ZNF609: variants seen among roughly 807,000 people sequenced by gnomAD.
ZNF609 encodes the protein zinc finger protein 609.
A neutral mutation model predicts 109.5 loss-of-function variants in ZNF609; 11 were observed. The observed-to-expected ratio is 0.10, with a 90% CI of 0.06 to 0.17. ZNF609 has a LOEUF of 0.17. Among genes scored for constraint, ZNF609 ranks in the 10% least tolerant of loss-of-function variants. The pLI is 1.00. For synonymous variants in ZNF609, 646 were observed against 662.0 expected (o/e 0.98, Z 0.37); for missense variants, 1,559 against 1,772.4 (o/e 0.88, Z 2.16).
chr15:64,472,581 T>C (rs1395042080), intron 1 of ZNF609, among the ~76,000 whole-genome samples: 2 of 152,174 alleles, frequency 1.3e-5, no homozygotes, highest in East Asian at 3.9e-4. Context: ...TTCATGAATA[T>C]AAGACGGGTG....
At chr15:64,495,816 T>G (rs919946253) in intron 1 of ZNF609, among the ~76,000 whole-genome samples, 3 of 151,092 alleles carry the variant, frequency 2.0e-5, no homozygotes, top group African/African-American at 7.3e-5. Flanking sequence ...CATTTTAACC[T>G]GTTATCTTTT....
chr15:64,673,637 A>T (rs1227034192), intron 4 of ZNF609, among the ~76,000 whole-genome samples: 1 of 152,210 alleles, frequency 6.6e-6, no homozygotes, highest in African/African-American at 2.4e-5. Context: ...ATCTTTTCTG[A>T]AACCATGACT....
At chr15:64,506,933 A>G (rs966634259) in intron 2 of ZNF609, among the ~76,000 whole-genome samples, 7 of 152,226 alleles carry the variant, frequency 4.6e-5, no homozygotes, top group African/African-American at 1.7e-4. Context: ...TATACATGTT[A>G]GCTAAGACTT....
intron 2 of ZNF609, among the ~76,000 whole-genome samples, chr15:64,619,984 C>T (rs1228992765): frequency 1.3e-5 from 2 of 152,168 alleles, no homozygotes; most frequent in African/African-American, 2.4e-5. Flanking sequence ...TAAACTACTT[C>T]CAGAAAAGAG....
intron 2 of ZNF609, among the ~76,000 whole-genome samples, chr15:64,580,190 A>G (rs1895074971): frequency 6.6e-6 from 1 of 152,214 alleles, no homozygotes; most frequent in African/African-American, 2.4e-5. Context: ...GAATTTAGAC[A>G]GCCTCCTAAA....
At chr15:64,555,610 G>A (rs1894568447) in intron 2 of ZNF609, among the ~76,000 whole-genome samples, 1 of 151,652 alleles carries the variant, frequency 6.6e-6, no homozygotes, top group African/African-American at 2.4e-5. Flanking sequence ...ATAGCCAGAT[G>A]CAGTGCTTTA....
At chr15:64,626,889 A>C (rs1381375315) in intron 3 of ZNF609, among the ~76,000 whole-genome samples, 1 of 152,114 alleles carries the variant, frequency 6.6e-6, no homozygotes, top group Non-Finnish European at 1.5e-5. Context: ...TTTGTTTTTG[A>C]GACATTCTCA....
chr15:64,499,071 G>A (rs1893521236), intron 1 of ZNF609, among the ~76,000 whole-genome samples: 1 of 152,094 alleles, frequency 6.6e-6, no homozygotes, highest in Non-Finnish European at 1.5e-5. Flanking sequence ...GGAATCTCTG[G>A]GCAATTGGAA....
intron 2 of ZNF609, among the ~76,000 whole-genome samples, chr15:64,558,782 A>G (rs1348080938): frequency 6.6e-6 from 1 of 152,252 alleles, no homozygotes; most frequent in East Asian, 1.9e-4. Flanking sequence ...AAAATAGACT[A>G]AAGTATGAGG....
intron 2 of ZNF609, among the ~76,000 whole-genome samples, chr15:64,613,182 A>G (rs1430120395): frequency 6.6e-6 from 1 of 151,912 alleles, no homozygotes; most frequent in African/African-American, 2.4e-5. Flanking sequence ...TTAACCAGTC[A>G]TGGTGGCGTG....
intron 2 of ZNF609, among the ~76,000 whole-genome samples, chr15:64,561,029 C>T (rs985106964): frequency 1.3e-5 from 2 of 152,152 alleles, no homozygotes; most frequent in Non-Finnish European, 2.9e-5. Flanking sequence ...CTGCAACTGC[C>T]TACTTAAACT....
At chr15:64,670,491 C>T (rs1327774652) in intron 4 of ZNF609, 58 bp downstream of exon 4, 1 of 1,422,934 alleles carries the variant, frequency 7.0e-7, no homozygotes, top group East Asian at 2.3e-5. Context: ...TTGGTGATCC[C>T]TTATACTTTT....
At chr15:64,488,175 A>G (rs1441108422) in intron 1 of ZNF609, among the ~76,000 whole-genome samples, 2 of 152,130 alleles carry the variant, frequency 1.3e-5, no homozygotes, top group Non-Finnish European at 2.9e-5. Flanking sequence ...TTCTTAATGA[A>G]TCTGAATTCT....
At chr15:64,519,024 T>A (rs558256962) in intron 2 of ZNF609, among the ~76,000 whole-genome samples, 53 of 150,032 alleles carry the variant, frequency 3.5e-4, no homozygotes, top group African/African-American at 1.3e-3. Flanking sequence ...CATATGCACA[T>A]CTATCATTTT....
intron 2 of ZNF609, among the ~76,000 whole-genome samples, chr15:64,577,183 G>A (rs1439450190): frequency 2.4e-5 from 3 of 123,836 alleles, no homozygotes; most frequent in African/African-American, 6.4e-5. Context: ...ATACATATAT[G>A]TGTATATATA....
chr15:64,673,188 A>C lies in ZNF609; in HGVS notation c.1062-728A>C, dbSNP rs79477919. ...TGGGAACCCAAAGGAGATATTTGAC[A>C]AAATTTGCCTCTTTTCTGCAATAGC... On this transcript the variant is annotated intron_variant, in intron 4 of 9. Coordinates refer to ENST00000326648, the MANE Select transcript of ZNF609 (RefSeq NM_015042.2). Among the ~76,000 whole-genome samples, 904 of 152,340 alleles carry C rather than the reference A, an allele frequency of 5.9e-3. 12 individuals are homozygous for C. The highest frequency in any genetic ancestry group is 0.021 in the African/African-American group (868 of 41,576).
At chr15:64,527,372 T>TA (rs769136415) in intron 2 of ZNF609, among the ~76,000 whole-genome samples, 40 of 151,530 alleles carry the variant, frequency 2.6e-4, no homozygotes, top group Non-Finnish European at 5.3e-4. Flanking sequence ...GGGGACATGT[T>TA]ACGGCCCTGC....
At chr15:64,601,547 T>C (rs1481599449) in intron 2 of ZNF609, among the ~76,000 whole-genome samples, 6 of 152,226 alleles carry the variant, frequency 3.9e-5, no homozygotes, top group African/African-American at 1.4e-4. Context: ...AAGATGAATG[T>C]GCTTAAGCAG....
chr15:64,669,645 C>A (rs1294772759), intron 3 of ZNF609, among the ~76,000 whole-genome samples: 1 of 151,934 alleles, frequency 6.6e-6, no homozygotes, highest in Non-Finnish European at 1.5e-5. Flanking sequence ...GGCTACATTA[C>A]CTAGTCAAAA....
Sources: allele counts gnomAD v4.1 joint callset (sites outside exome capture counted in the v4.1 genomes callset), GRCh38; gene constraint gnomAD v4.1.1; transcripts MANE v1.5; gene names NCBI Gene and HGNC (gene_info 2026-07-23, HGNC 2026-07-21).